Variants in USP28 observed in about 807,000 individuals in gnomAD.
USP28 encodes ubiquitin carboxyl-terminal hydrolase 28.
Under a neutral mutation model 145.0 loss-of-function variants are expected in USP28, and 113 were observed. That is an observed-to-expected ratio of 0.78 (90% CI 0.67 to 0.91). USP28 has a LOEUF of 0.91. Ranked by LOEUF, USP28 falls within the 40% of genes least tolerant of loss-of-function variation. USP28 has a pLI of 0.00. For synonymous variants in USP28, 447 were observed against 450.9 expected, an observed-to-expected ratio of 0.99 and a Z score of 0.11; for missense variants, 1,201 against 1,289.6, an observed-to-expected ratio of 0.93 and a Z score of 1.05.
At chr11:113,817,788 G>T (rs1941967139) in exon 13 of USP28, 2 of 1,614,178 alleles carry the variant, frequency 1.2e-6, no homozygotes, top group East Asian at 4.5e-5. Context: ...ACATATTTCA[G>T]CATGTCCGGG....
chr11:113,810,009 T>A lies in USP28; in HGVS notation c.1973-755A>T, dbSNP rs530331143. ...GAGGTTGCGCCACTGCGCTCCAGCCTGGGAGACAGAGTGAGACTCCATCTC... is the reference window on the plus strand; with the variant it reads ...GAGGTTGCGCCACTGCGCTCCAGCCAGGGAGACAGAGTGAGACTCCATCTC... On this transcript the variant is annotated intron_variant, in intron 16 of 24. Coordinates refer to ENST00000003302, the Ensembl canonical transcript of USP28. Among the ~76,000 whole-genome samples, 3 of 121,660 alleles carry A rather than the reference T, an allele frequency of 2.5e-5. No individual in the cohort carries two copies. The South Asian group carries it at 7.7e-4, about 31-fold the overall frequency. 79.8% of individuals were successfully genotyped at this position (121,660 alleles called of 152,430 possible).
intron 1 of USP28, among the ~76,000 whole-genome samples, chr11:113,863,319 CAA>C (rs965404492): frequency 2.0e-5 from 3 of 152,024 alleles, no homozygotes; most frequent in Admixed American, 6.6e-5. Flanking sequence ...TAAATTTGAC[CAA>C]AGAGGTAAAA....
At position 113,867,601 on chromosome 11, in the gene USP28, A is replaced by G. The variant is rs112407660; in HGVS notation, c.57+7844T>C. Among the ~76,000 whole-genome samples, 42 of 152,062 alleles carry G rather than the reference A, an allele frequency of 2.8e-4. 1 individual carries two copies. Among genetic ancestry groups the G allele is most frequent in the African/African-American group, 9.9e-4 (41 of 41,476 alleles). On this transcript the variant is annotated intron_variant, in intron 1 of 24. Coordinates refer to ENST00000003302, the Ensembl canonical transcript of USP28. The stretch of plus-strand genomic sequence containing the variant: ...AAATCACCTGGGTGCAGTGGCACAC[A>G]CCTGTAGTTCCAGCTCTGCAGCAGG...
At chr11:113,864,240 C>T (rs1185510472) in intron 1 of USP28, among the ~76,000 whole-genome samples, 2 of 150,688 alleles carry the variant, frequency 1.3e-5, no homozygotes, top group East Asian at 3.9e-4. Context: ...GACTCTGTCT[C>T]AAAAAAAAGG....
chr11:113,826,947 A>G (rs143592055), intron 11 of USP28, among the ~76,000 whole-genome samples: 1 of 151,794 alleles, frequency 6.6e-6, no homozygotes, highest in East Asian at 1.9e-4. Context: ...AAAATTCTAT[A>G]ATGTAAGTCT....
intron 3 of USP28, among the ~76,000 whole-genome samples, chr11:113,842,030 A>C (rs1945255240): frequency 6.6e-6 from 1 of 152,218 alleles, no homozygotes; most frequent in Admixed American, 6.5e-5. Flanking sequence ...CCACAAAGTC[A>C]AAAGTAGATC....
intron 3 of USP28, among the ~76,000 whole-genome samples, chr11:113,842,308 G>C (rs1430393134): frequency 1.3e-5 from 2 of 152,086 alleles, no homozygotes; most frequent in Non-Finnish European, 2.9e-5. Context: ...CAAGTTGGCT[G>C]GGCGCAGTGG....
chr11:113,852,326 C>T (rs1188190701), intron 3 of USP28, among the ~76,000 whole-genome samples, 175 bp downstream of exon 3: 4 of 152,218 alleles, frequency 2.6e-5, no homozygotes, highest in African/African-American at 9.7e-5. Flanking sequence ...CTGCACCCGG[C>T]CAGAACTTTT....
intron 12 of USP28, chr11:113,820,904 C>T (rs45545336): frequency 0.011 from 1,690 of 155,350 alleles, 17 homozygotes; most frequent in Non-Finnish European, 0.018. Flanking sequence ...TGAGTTCAAC[C>T]AATTTGTATA....
At chr11:113,810,583 T>C (rs2513574) in intron 16 of USP28, among the ~76,000 whole-genome samples, 13,425 of 152,286 alleles carry the variant, frequency 0.088, 701 homozygotes, top group Non-Finnish European at 0.11. Flanking sequence ...ATTGTGAAGA[T>C]TACTTACTGT....
chr11:113,838,009 C>A (rs1944760805), intron 5 of USP28, among the ~76,000 whole-genome samples: 1 of 152,062 alleles, frequency 6.6e-6, no homozygotes, highest in South Asian at 2.1e-4. Flanking sequence ...AAAAAAAAGA[C>A]TAGACACTAC....
In USP28 at chr11:113,815,306, G is replaced by GT. The variant is rs1214126601; in HGVS notation, c.1539dup (p.Pro514ThrfsTer23). On this transcript the variant is annotated frameshift_variant, in exon 14 of 25. Transcript: ENST00000003302. LOFTEE classifies it high-confidence loss of function. ...ATGGAAGACCGAGAAGATGTCAGTG[G>GT]TTTAGACTTGGGTAAAGAATCTTCA... 6 of 1,614,044 alleles carry GT rather than the reference G, an allele frequency of 3.7e-6. No homozygotes were observed. Among genetic ancestry groups the GT allele is most frequent in the Non-Finnish European group, 4.2e-6 (5 of 1,180,040 alleles).
chr11:113,852,477 C>G lies in USP28; in HGVS notation c.268+24G>C, dbSNP rs1366149579. 5 of 1,611,854 alleles carry G rather than the reference C, an allele frequency of 3.1e-6. No individual in the cohort carries two copies. In the African/African-American group the frequency reaches 6.8e-5, roughly 22 times the overall value. On this transcript the variant is annotated intron_variant, in intron 3 of 24. Coordinates refer to ENST00000003302, the Ensembl canonical transcript of USP28. Reference sequence around the variant, plus strand: ...ATTTTCTGCTAGTTCAGCAAAGGACCAAGACAGGATATATGGTACCTACTT... The same window carrying G: ...ATTTTCTGCTAGTTCAGCAAAGGACGAAGACAGGATATATGGTACCTACTT...
At chr11:113,835,145 G>A (rs900689141) in intron 5 of USP28, 3 of 397,716 alleles carry the variant, frequency 7.5e-6, no homozygotes, top group South Asian at 5.7e-5. Flanking sequence ...ACAGCAGATG[G>A]TAGAACTGGA....
At chr11:113,813,943 C>T (rs1225707734) in exon 15 of USP28, 1 of 1,608,760 alleles carries the variant, frequency 6.2e-7, no homozygotes, top group Admixed American at 1.7e-5. Context: ...ACTTGCAATA[C>T]AAGTCTTTAA....
chr11:113,862,069 G>A (rs926982180), intron 1 of USP28, among the ~76,000 whole-genome samples: 5 of 152,180 alleles, frequency 3.3e-5, no homozygotes, highest in Non-Finnish European at 7.4e-5. Flanking sequence ...AGAGATTGCT[G>A]GGTGTGGTGG....
chr11:113,823,759 T>G, intron 11 of USP28, 59 bp from the exon 12 acceptor site: 1 of 1,372,982 alleles, frequency 7.3e-7, no homozygotes, highest in Non-Finnish European at 9.9e-7. Flanking sequence ...ACATAAAGTC[T>G]CAGTAAACTA....
At chr11:113,853,513 C>T (rs1043107873) in intron 2 of USP28, among the ~76,000 whole-genome samples, 4 of 152,104 alleles carry the variant, frequency 2.6e-5, no homozygotes, top group Non-Finnish European at 4.4e-5. Context: ...CCTATACTCT[C>T]GTAGATATTC....
At chr11:113,813,121 C>T (rs913680782) in intron 15 of USP28, among the ~76,000 whole-genome samples, 4 of 152,188 alleles carry the variant, frequency 2.6e-5, no homozygotes, top group African/African-American at 9.7e-5. Flanking sequence ...GAAAGTCAGT[C>T]ACAGAATCAA....
Sources: gnomAD v4.1 joint callset for allele counts (sites outside exome capture counted in the v4.1 genomes callset) on GRCh38, gnomAD v4.1.1 for gene constraint, MANE v1.5 for transcripts, NCBI Gene and HGNC (gene_info 2026-07-23, HGNC 2026-07-21) for gene names.